CDKAL1: variants seen among roughly 807,000 people sequenced by gnomAD.
The protein encoded by CDKAL1 is threonylcarbamoyladenosine tRNA methylthiotransferase.
In CDKAL1, 32 loss-of-function variants were observed where a neutral mutation model predicts 68.2. The observed-to-expected ratio is 0.47, with a 90% CI of 0.35 to 0.63. CDKAL1 has a LOEUF of 0.63. CDKAL1 is among the 30% of genes least tolerant of loss of function. The pLI is 0.00. For missense variants in CDKAL1, 606 were observed against 696.7 expected (o/e 0.87, Z 1.47); for synonymous variants, 234 against 244.3 (o/e 0.96, Z 0.39).
intron 10 of CDKAL1, among the ~76,000 whole-genome samples, chr6:20,998,039 A>G (rs1007877140): frequency 6.6e-6 from 1 of 152,228 alleles, no homozygotes; most frequent in African/African-American, 2.4e-5. Context: ...AAGAAGGTAC[A>G]CAGCCTGAGT....
chr6:21,039,914 T>G (rs565624395), intron 11 of CDKAL1, among the ~76,000 whole-genome samples: 2 of 152,306 alleles, frequency 1.3e-5, no homozygotes, highest in South Asian at 2.1e-4. Flanking sequence ...TTGTGAAAAA[T>G]TAGTGTAGTT....
At chr6:20,541,386 T>C (rs1411167726) in intron 2 of CDKAL1, among the ~76,000 whole-genome samples, 1 of 152,200 alleles carries the variant, frequency 6.6e-6, no homozygotes, top group Non-Finnish European at 1.5e-5. Flanking sequence ...TTCTAGATCT[T>C]ATTAGGCTTC....
At chr6:20,723,341 G>A (rs971601497) in intron 5 of CDKAL1, among the ~76,000 whole-genome samples, 2 of 152,248 alleles carry the variant, frequency 1.3e-5, no homozygotes, top group African/African-American at 4.8e-5. Context: ...GGGGTCATGG[G>A]CATCCTCACC....
chr6:20,732,670 C>T (rs1463625723), intron 5 of CDKAL1, among the ~76,000 whole-genome samples: 1 of 152,042 alleles, frequency 6.6e-6, no homozygotes, highest in Non-Finnish European at 1.5e-5. Flanking sequence ...TAGTTAAGCC[C>T]CTCTGATGCG....
In CDKAL1 at chr6:20,637,032, G is replaced by A. The variant is rs535910431; in HGVS notation, c.287-12261G>A. ...AGCCTGGGTGACAGAGTGAGACTCC[G>A]TCTCAAAAAAAAAAAAAAAAGAAAA... On this transcript the variant is annotated intron_variant, in intron 4 of 15. Coordinates refer to ENST00000274695, the MANE Select transcript of CDKAL1 (RefSeq NM_017774.3). Among the ~76,000 whole-genome samples the A allele has an allele frequency of 2.2e-3, 210 of 94,364 alleles. 2 individuals carry two copies. Among genetic ancestry groups the A allele is most frequent in the African/African-American group, 9.4e-3 (198 of 21,082 alleles). The allele number at this position is 94,364 out of a possible 152,430, so 61.9% of individuals were successfully genotyped here. A position where few individuals can be genotyped will look rare whatever the true frequency, so the allele number is the denominator to read the frequency against.
chr6:20,756,227 C>T (rs1359306540), intron 6 of CDKAL1: 1 of 152,164 alleles, frequency 6.6e-6, no homozygotes, highest in Non-Finnish European at 1.5e-5. Context: ...TAAATAGTTA[C>T]TTGTACGAAC....
intron 13 of CDKAL1, among the ~76,000 whole-genome samples, chr6:21,161,852 G>C (rs1469332937): frequency 6.6e-6 from 1 of 152,048 alleles, no homozygotes; most frequent in Non-Finnish European, 1.5e-5. Context: ...GCTCATAATT[G>C]TTGTCATTTT....
intron 11 of CDKAL1, among the ~76,000 whole-genome samples, chr6:21,039,492 C>G (rs1449918229): frequency 6.6e-6 from 1 of 152,164 alleles, no homozygotes; most frequent in Non-Finnish European, 1.5e-5. Context: ...GCCATCATTA[C>G]CATTACCTTT....
chr6:20,758,580 T>G lies in CDKAL1; in HGVS notation c.469-15T>G, dbSNP rs749051477. On this transcript the variant is annotated splice_polypyrimidine_tract_variant and intron_variant, in intron 6 of 15. Transcript: ENST00000274695. The stretch of plus-strand genomic sequence containing the variant: ...CGTGTAAATTACTTGTGTAATCGTT[T>G]TTTTTTTTTTCCAGGTTCAGCAGAT... The G allele has an allele frequency of 8.2e-6, 13 of 1,585,854 alleles. No homozygotes were observed. The highest frequency in any genetic ancestry group is 1.2e-5 in the South Asian group (1 of 85,210).
chr6:21,101,067 G>T (rs943177822), intron 12 of CDKAL1, among the ~76,000 whole-genome samples: 1 of 152,188 alleles, frequency 6.6e-6, no homozygotes, highest in African/African-American at 2.4e-5. Context: ...AGGAATTCTT[G>T]CATAGAGAGT....
In CDKAL1 at chr6:20,632,749, C is replaced by T. The variant is rs933331214; in HGVS notation, c.287-16544C>T. ...AATAATAGCATAGTCTCTTCTATCT[C>T]CTGAGTTTGGCTCTGAAGACTTAAA... On this transcript the variant is annotated intron_variant, in intron 4 of 15. Transcript: ENST00000274695. Among the ~76,000 whole-genome samples, 25 of 152,164 alleles carry T rather than the reference C, an allele frequency of 1.6e-4. 1 individual carries two copies. The highest frequency in any genetic ancestry group is 1.6e-3 in the Admixed American group (24 of 15,278).
chr6:20,578,610 G>T (rs538811829), intron 4 of CDKAL1, among the ~76,000 whole-genome samples: 1 of 152,296 alleles, frequency 6.6e-6, no homozygotes, highest in Admixed American at 6.5e-5. Flanking sequence ...AGGATTGTTA[G>T]TAGACTTCCA....
chr6:20,621,968 G>A (rs140227004), intron 4 of CDKAL1, among the ~76,000 whole-genome samples: 1 of 152,022 alleles, frequency 6.6e-6, no homozygotes, highest in East Asian at 1.9e-4. Flanking sequence ...CTCTCCCAGT[G>A]TCAGGGAAAA....
chr6:20,628,655 C>T (rs1767537125), intron 4 of CDKAL1, among the ~76,000 whole-genome samples: 1 of 54,898 alleles, frequency 1.8e-5, no homozygotes, highest in Admixed American at 2.2e-4. Flanking sequence ...CCTTATTTTA[C>T]TTTCAGGGAA....
rs75664368 is a variant in CDKAL1, at chr6:20,815,195, T to C, written c.639-30880T>C. Among the ~76,000 whole-genome samples the C allele has an allele frequency of 4.4e-3, 665 of 152,352 alleles. 5 individuals carry two copies. The highest frequency in any genetic ancestry group is 0.015 in the African/African-American group (618 of 41,588). ...ATTTAGCATTTTTGCATTGGTATTC[T>C]TGAGAACGGTTGCAGGCTTTTAAAA... is the stretch of plus-strand genomic sequence containing the variant. On this transcript the variant is annotated intron_variant, in intron 8 of 15. Transcript: ENST00000274695.
intron 8 of CDKAL1, among the ~76,000 whole-genome samples, chr6:20,785,667 A>G (rs1434753203): frequency 6.6e-6 from 1 of 151,996 alleles, no homozygotes; most frequent in Non-Finnish European, 1.5e-5. Flanking sequence ...TTACTTTTAA[A>G]TGTTTTAATA....
At chr6:20,711,651 G>C (rs533997035) in intron 5 of CDKAL1, among the ~76,000 whole-genome samples, 1 of 152,324 alleles carries the variant, frequency 6.6e-6, no homozygotes, top group African/African-American at 2.4e-5. Context: ...TTATCTCATA[G>C]AACAGGAAGT....
intron 10 of CDKAL1, among the ~76,000 whole-genome samples, chr6:20,983,283 GTTAAC>G (rs1261417777): frequency 1.3e-5 from 2 of 152,156 alleles, no homozygotes; most frequent in African/African-American, 4.8e-5. Flanking sequence ...ATAAGAGCTA[GTTAAC>G]TTAGTTTAAA....
chr6:20,749,621 C>T (rs1265755623), intron 6 of CDKAL1, among the ~76,000 whole-genome samples: 1 of 151,828 alleles, frequency 6.6e-6, no homozygotes, highest in African/African-American at 2.4e-5. Context: ...GATCTCGGCT[C>T]ACTGCAAGCT....
Sources: gnomAD v4.1 joint callset for allele counts (sites outside exome capture counted in the v4.1 genomes callset) on GRCh38, gnomAD v4.1.1 for gene constraint, MANE v1.5 for transcripts, NCBI Gene and HGNC (gene_info 2026-07-23, HGNC 2026-07-21) for gene names.